Variants in ZAR1 observed in about 807,000 individuals in gnomAD.
The protein encoded by ZAR1 is zygote arrest 1, also known as zygote arrest protein 1.
ZAR1 carries 37 observed loss-of-function variants against 38.3 expected under a neutral mutation model. The observed-to-expected ratio is 0.97, with a 90% CI of 0.74 to 1.27. ZAR1 has a LOEUF of 1.27. ZAR1 is among the 50% of genes most tolerant of loss of function. The pLI, the probability that ZAR1 is intolerant of heterozygous loss-of-function variation, is 0.00. For missense variants in ZAR1, 651 were observed against 632.4 expected (o/e 1.03, Z -0.32); for synonymous variants, 336 against 292.0 (o/e 1.15, Z -1.53).
downstream of ZAR1, chr4:48,494,414 T>C (rs1284957914): frequency 9.3e-5 from 81 of 872,478 alleles, no homozygotes; most frequent in Middle Eastern, 3.5e-4. Context: ...AAAATCTGTC[T>C]TTGAAAATAA....
chr4:48,494,385 C>T lies in ZAR1; in HGVS notation c.*141C>T, dbSNP rs1259387258. ...AAGCCTTCAAATAAAGGTATTGCAA[C>T]ACGATTTATACATTGCATAAAATCT... is the stretch of plus-strand genomic sequence containing the variant. On this transcript the variant is annotated 3_prime_UTR_variant, in exon 4 of 4. Transcript: ENST00000327939. The T allele has an allele frequency of 2.0e-5, 21 of 1,068,058 alleles. No homozygotes were observed. The highest frequency in any genetic ancestry group is 2.7e-5 in the Non-Finnish European group (20 of 733,514). 66.2% of individuals were successfully genotyped at this position (1,068,058 alleles called of 1,614,324 possible). A position where few individuals can be genotyped will look rare whatever the true frequency, so the allele number is the denominator to read the frequency against.
rs1718436861 is a variant in ZAR1 at position 48,491,334 on chromosome 4, G to A, written c.963+80G>A. On this transcript the variant is annotated intron_variant, in intron 1 of 3. Transcript: ENST00000327939. ...TTGGGCCTGGCCCTGTGACTGCTTCGGGCACTCGGAGGTGCGGCGCTTCCC... is the reference window on the plus strand; with the variant it reads ...TTGGGCCTGGCCCTGTGACTGCTTCAGGCACTCGGAGGTGCGGCGCTTCCC... 2.7e-6 allele frequency: 3 copies of A among 1,114,098 alleles called. No homozygotes were observed. In the African/African-American group the frequency reaches 4.8e-5, roughly 18 times the overall value. The allele number at this position is 1,114,098 out of a possible 1,614,324, so 69.0% of individuals were successfully genotyped here.
At chr4:48,495,135 ACT>A (rs1491446614), downstream of ZAR1, among the ~76,000 whole-genome samples, 2 of 151,986 alleles carry the variant, frequency 1.3e-5, no homozygotes, top group African/African-American at 2.4e-5. Flanking sequence ...GGGATGCCAG[ACT>A]CTAACTGCGT....
rs1206449031 is a variant in ZAR1 at position 48,490,693 on chromosome 4, C to T, written c.402C>T (p.Pro134=). The T allele has an allele frequency of 7.6e-7, 1 of 1,316,572 alleles. No individual in the cohort carries two copies. The highest frequency in any genetic ancestry group is 9.6e-7 in the Non-Finnish European group (1 of 1,037,782). 81.6% of individuals were successfully genotyped at this position (1,316,572 alleles called of 1,614,324 possible). A position where few individuals can be genotyped will look rare whatever the true frequency, so the allele number is the denominator to read the frequency against. ...RRTLQRRARD[P]ESPAGPGAEG... Reference sequence around the variant, plus strand: ...CGCTGCAGCGCCGGGCCCGCGACCCCGAGTCCCCGGCCGGCCCCGGGGCCG... The same window carrying T: ...CGCTGCAGCGCCGGGCCCGCGACCCTGAGTCCCCGGCCGGCCCCGGGGCCG... Residue 134 remains proline, a synonymous_variant, in exon 1 of 4, where the codon CCC becomes CCT. Coordinates refer to ENST00000327939, the MANE Select transcript of ZAR1 (RefSeq NM_175619.3).
Position 48,490,269 on chromosome 4 carries a change from C to A in ZAR1, c.-23C>A, listed in dbSNP as rs760161429. 6.7e-7 allele frequency: 1 copy of A among 1,485,576 alleles called. No individual in the cohort carries two copies. The highest frequency in any genetic ancestry group is 8.9e-7 in the Non-Finnish European group (1 of 1,124,810). 92.0% of individuals were successfully genotyped at this position (1,485,576 alleles called of 1,614,324 possible). A position where few individuals can be genotyped will look rare whatever the true frequency, so the allele number is the denominator to read the frequency against. On this transcript the variant is annotated 5_prime_UTR_variant, in exon 1 of 4. Coordinates refer to ENST00000327939, the MANE Select transcript of ZAR1 (RefSeq NM_175619.3). ...GGCAAGTCGCCTATTTAGGGTGCGG[C>A]GGCGGGCGGGAGCAGTGCGCCCATG...
rs570144212 is a variant in ZAR1 at position 48,490,825 on chromosome 4, C to T, written c.534C>T (p.Thr178=). The T allele has an allele frequency of 1.4e-5, 21 of 1,507,078 alleles. No homozygotes were observed. In the East Asian group the frequency reaches 4.2e-4, roughly 30 times the overall value. 93.4% of individuals were successfully genotyped at this position (1,507,078 alleles called of 1,614,324 possible). ...GAPRPMRFPR[T]VAVYSPLALR... ...CGCGGCCCATGCGCTTCCCGCGCAC[C>T]GTCGCCGTGTACTCGCCCCTGGCCT... The change falls in exon 1 of 4, where the codon ACC becomes ACT. Residue 178 remains threonine, a synonymous_variant. Coordinates refer to ENST00000327939, the MANE Select transcript of ZAR1 (RefSeq NM_175619.3).
Position 48,490,321 on chromosome 4 carries a change from C to G in ZAR1, c.30C>G (p.Asp10Glu). The change falls in exon 1 of 4, where the codon GAC (aspartate) becomes GAG (glutamate). Residue 10 changes from aspartate to glutamate, a missense_variant. By Grantham distance (45) the Asp-to-Glu change is conservative. This residue lies in a region of ZAR1 where 522 missense variants were observed against 459.9 expected (regional missense o/e 1.14). Transcript: ENST00000327939. MAALGDEVL[D>E]GYVFPACPPC... ...CGGCCCTGGGGGACGAGGTGCTGGA[C>G]GGTTACGTGTTCCCGGCGTGCCCCC... 1 of 1,512,744 alleles carries G rather than the reference C, an allele frequency of 6.6e-7. No homozygotes were observed. The highest frequency in any genetic ancestry group is 1.4e-5 in the African/African-American group (1 of 69,418). The allele number at this position is 1,512,744 out of a possible 1,614,324, so 93.7% of individuals were successfully genotyped here.
chr4:48,491,201 G>A lies in ZAR1; in HGVS notation c.910G>A (p.Glu304Lys). ...GDGREAAVAGEGPSPRSPELG... is the reference protein window; with the variant it reads ...GDGREAAVAGKGPSPRSPELG... ...CGGACGGGAGGCGGCCGTCGCGGGAGAGGGGCCGTCGCCACGGAGCCCGGA... is the reference window on the plus strand; with the variant it reads ...CGGACGGGAGGCGGCCGTCGCGGGAAAGGGGCCGTCGCCACGGAGCCCGGA... Residue 304 changes from glutamate (E) to lysine (K), a missense_variant, in exon 1 of 4, where the codon GAG becomes AAG. Physicochemically the swap from Glu to Lys is moderately conservative, Grantham distance 56 (BLOSUM62 1). Coordinates refer to ENST00000327939, the MANE Select transcript of ZAR1 (RefSeq NM_175619.3). The A allele has an allele frequency of 8.1e-7, 1 of 1,234,700 alleles. No individual in the cohort carries two copies. Among genetic ancestry groups the A allele is most frequent in the Non-Finnish European group, 1.0e-6 (1 of 989,800 alleles). 76.5% of individuals were successfully genotyped at this position (1,234,700 alleles called of 1,614,324 possible). A position where few individuals can be genotyped will look rare whatever the true frequency, so the allele number is the denominator to read the frequency against.
intron 1 of ZAR1, among the ~76,000 whole-genome samples, chr4:48,492,212 CG>C (rs1244635538): frequency 6.6e-6 from 1 of 152,138 alleles, no homozygotes; most frequent in East Asian, 1.9e-4. Context: ...ACTCTAAAAA[CG>C]TGTGCATAAC....
chr4:48,491,236 G>T lies in ZAR1; in HGVS notation c.945G>T (p.Lys315Asn), dbSNP rs575341512. 2 of 1,230,474 alleles carry T rather than the reference G, an allele frequency of 1.6e-6. No homozygotes were observed. Among genetic ancestry groups the T allele is most frequent in the East Asian group, 3.2e-5 (1 of 31,438 alleles). 76.2% of individuals were successfully genotyped at this position (1,230,474 alleles called of 1,614,324 possible). Residue 315 changes from lysine (K) to asparagine (N), a missense_variant, in exon 1 of 4, where the codon AAG becomes AAT. Coordinates refer to ENST00000327939, the MANE Select transcript of ZAR1 (RefSeq NM_175619.3). ...CGCCACGGAGCCCGGAGCTGGGCAA[G>T]GAGCGGCTGCGCTTCCAGGTAAAGC... ...GPSPRSPELG[K>N]ERLRFQFLEQ...
intron 1 of ZAR1, 52 bp downstream of exon 1, chr4:48,491,306 T>C (rs1205625323): frequency 8.3e-7 from 1 of 1,204,502 alleles, no homozygotes; most frequent in East Asian, 3.2e-5. Context: ...GCGGGTGTCT[T>C]CCTTGGGCCT....
chr4:48,492,837 G>T lies in ZAR1; in HGVS notation c.1035G>T (p.Trp345Cys). 9 of 1,614,188 alleles carry T rather than the reference G, an allele frequency of 5.6e-6. No homozygotes were observed. Among genetic ancestry groups the T allele is most frequent in the Non-Finnish European group, 6.8e-6 (8 of 1,180,026 alleles). Reference protein sequence around the residue: ...CNIRWESAYVWCVQGTNKVYF... With the variant: ...CNIRWESAYVCCVQGTNKVYF... ...TCCGCTGGGAGAGTGCTTATGTGTG[G>T]TGTGTACAGGGAACTAACAAGGTAA... The change falls in exon 2 of 4, where the codon TGG becomes TGT. Residue 345 changes from tryptophan (W) to cysteine (C), a missense_variant. Coordinates refer to ENST00000327939, the MANE Select transcript of ZAR1 (RefSeq NM_175619.3).
Position 48,491,133 on chromosome 4 carries a change from C to G in ZAR1, c.842C>G (p.Pro281Arg). The change falls in exon 1 of 4, where the codon CCG becomes CGG. Residue 281 changes from proline to arginine, a missense_variant. This residue lies in a region of ZAR1 where 522 missense variants were observed against 459.9 expected (regional missense o/e 1.14). Coordinates refer to ENST00000327939, the MANE Select transcript of ZAR1 (RefSeq NM_175619.3). The part of the protein sequence containing the change: ...EAAPRSALRS[P>R]GQPPSAGRAR... The stretch of plus-strand genomic sequence containing the variant: ...GCTCCGCGGTCGGCGCTAAGGAGCC[C>G]GGGGCAACCTCCGTCGGCGGGGAGG... The G allele has an allele frequency of 8.0e-7, 1 of 1,244,098 alleles. No homozygotes were observed. 77.1% of individuals were successfully genotyped at this position (1,244,098 alleles called of 1,614,324 possible). A position where few individuals can be genotyped will look rare whatever the true frequency, so the allele number is the denominator to read the frequency against.
downstream of ZAR1, chr4:48,497,522 T>C (rs1378309925): frequency 6.6e-6 from 1 of 152,658 alleles, no homozygotes; most frequent in Non-Finnish European, 1.5e-5. Flanking sequence ...TTCTAAATGA[T>C]GCACACTGTA....
chr4:48,495,815 G>T (rs1224674255), downstream of ZAR1, among the ~76,000 whole-genome samples: 1 of 152,172 alleles, frequency 6.6e-6, no homozygotes, highest in Non-Finnish European at 1.5e-5. Context: ...TCCAGATTAG[G>T]TTAACAACAA....
chr4:48,490,908 C>T lies in ZAR1; in HGVS notation c.617C>T (p.Ser206Phe). ...GGGCCCGCGGCGGGCGAGCAGAGGT[C>T]CGGGGCGTCGGACGGAGAGAGGGGG... ...GPGPAAGEQRSGASDGERGPP... is the reference protein window; with the variant it reads ...GPGPAAGEQRFGASDGERGPP... The change falls in exon 1 of 4, where the codon TCC (serine) becomes TTC (phenylalanine). Residue 206 changes from serine (S) to phenylalanine (F), a missense_variant. Transcript: ENST00000327939. 1 of 1,366,598 alleles carries T rather than the reference C, an allele frequency of 7.3e-7. No individual in the cohort carries two copies. Among genetic ancestry groups the T allele is most frequent in the Non-Finnish European group, 9.4e-7 (1 of 1,064,746 alleles). 84.7% of individuals were successfully genotyped at this position (1,366,598 alleles called of 1,614,324 possible). A position where few individuals can be genotyped will look rare whatever the true frequency, so the allele number is the denominator to read the frequency against.
chr4:48,493,106 C>A, intron 3 of ZAR1, 94 bp downstream of exon 3: 1 of 1,169,662 alleles, frequency 8.5e-7, no homozygotes. Context: ...GCCAGGCCCC[C>A]AGACCTTAGG....
chr4:48,492,685 T>C (rs1718477157), intron 1 of ZAR1, 81 bp from the exon 2 acceptor site: 7 of 1,404,850 alleles, frequency 5.0e-6, no homozygotes, highest in Non-Finnish European at 7.0e-6. Context: ...ATTTCAAATA[T>C]CAAGTAGATC....
chr4:48,496,306 T>TG (rs1033857296), downstream of ZAR1, among the ~76,000 whole-genome samples: 2 of 152,240 alleles, frequency 1.3e-5, no homozygotes, highest in African/African-American at 4.8e-5. Flanking sequence ...TTGATTTGGT[T>TG]GGGGGTAGGT....
Sources: allele counts gnomAD v4.1 joint callset (sites outside exome capture counted in the v4.1 genomes callset), GRCh38; gene constraint gnomAD v4.1.1; regional missense constraint gnomAD v4.1.1; transcripts MANE v1.5; gene names NCBI Gene and HGNC (gene_info 2026-07-23, HGNC 2026-07-21).